Variants in RARB observed in about 807,000 individuals in gnomAD.
The protein encoded by RARB is HBV-activated protein.
RARB carries 17 observed loss-of-function variants against 51.9 expected under a neutral mutation model. That is an observed-to-expected ratio of 0.33 (90% CI 0.22 to 0.49). RARB has a LOEUF of 0.49. Among genes scored for constraint, RARB ranks in the 20% least tolerant of loss-of-function variants. RARB has a pLI of 0.99. For missense variants in RARB, 369 were observed against 550.8 expected (o/e 0.67, Z 3.30); for synonymous variants, 215 against 195.4 (o/e 1.10, Z -0.84).
intron 5 of RARB, among the ~76,000 whole-genome samples, chr3:25,351,373 C>T (rs899087645): frequency 2.0e-5 from 3 of 152,058 alleles, no homozygotes; most frequent in African/African-American, 7.2e-5. Context: ...CATTTGTGCT[C>T]ATCCTCCTGT....
At chr3:25,535,043 A>G (rs1338284189) in intron 3 of RARB, among the ~76,000 whole-genome samples, 2 of 152,234 alleles carry the variant, frequency 1.3e-5, no homozygotes, top group Non-Finnish European at 2.9e-5. Flanking sequence ...AATGATATGC[A>G]ATGGAAGGAG....
intron 5 of RARB, among the ~76,000 whole-genome samples, chr3:25,411,561 G>A (rs186775774): frequency 3.3e-5 from 5 of 152,314 alleles, no homozygotes; most frequent in African/African-American, 1.2e-4. Context: ...TCACTGCACA[G>A]AACAGCTGAC....
intron 3 of RARB, among the ~76,000 whole-genome samples, chr3:25,567,512 A>C (rs1033254149): frequency 6.6e-6 from 1 of 152,186 alleles, no homozygotes; most frequent in African/African-American, 2.4e-5. Flanking sequence ...ATATTCCACC[A>C]TAAGGACGTC....
rs190737483 is a variant in RARB at position 25,329,321 on chromosome 3, G to A, written c.179-131872G>A. ...ATACGGCCGGGTGCCCCTCTGAGAC[G>A]AAGCTTCCAGAGGAAGGATAAGGCA... On this transcript the variant is annotated intron_variant, in intron 5 of 11. Transcript: ENST00000383772. Among the ~76,000 whole-genome samples the A allele has an allele frequency of 5.6e-3, 846 of 152,222 alleles. 5 individuals carry two copies. Among genetic ancestry groups the A allele is most frequent in the African/African-American group, 0.019 (790 of 41,524 alleles).
At chr3:25,304,961 G>T (rs1028629039) in intron 5 of RARB, among the ~76,000 whole-genome samples, 9 of 152,106 alleles carry the variant, frequency 5.9e-5, no homozygotes, top group Non-Finnish European at 1.0e-4. Flanking sequence ...ATTGTTCTAA[G>T]CCTTTGACAT....
intron 2 of RARB, among the ~76,000 whole-genome samples, chr3:25,016,835 T>C (rs996626828): frequency 7.2e-5 from 11 of 152,046 alleles, no homozygotes; most frequent in Non-Finnish European, 1.5e-4. Context: ...TTGATAACAC[T>C]TACAAGAACA....
At chr3:25,040,307 G>A (rs1048115627) in intron 2 of RARB, among the ~76,000 whole-genome samples, 4 of 152,172 alleles carry the variant, frequency 2.6e-5, no homozygotes, top group African/African-American at 9.7e-5. Context: ...CAACAAGCTT[G>A]CATCTGATTT....
chr3:25,235,723 A>G (rs1218262670), intron 5 of RARB, among the ~76,000 whole-genome samples: 1 of 152,202 alleles, frequency 6.6e-6, no homozygotes, highest in Non-Finnish European at 1.5e-5. Context: ...CATGCGTGCG[A>G]GCACACATAC....
At chr3:24,971,557 T>C (rs1696398505) in intron 2 of RARB, among the ~76,000 whole-genome samples, 2 of 152,056 alleles carry the variant, frequency 1.3e-5, no homozygotes, top group Admixed American at 6.6e-5. Flanking sequence ...GCTTACTCTT[T>C]AAATGCCAAA....
chr3:25,303,311 A>G lies in RARB; in HGVS notation c.178+128736A>G, dbSNP rs370307022. ...CTCCCAAGTTTGCCAAGCCCCTTTAATCTGATTCTTCAAGTGCTTTTAACA... is the reference window on the plus strand; with the variant it reads ...CTCCCAAGTTTGCCAAGCCCCTTTAGTCTGATTCTTCAAGTGCTTTTAACA... On this transcript the variant is annotated intron_variant, in intron 5 of 11. Transcript: ENST00000383772. Among the ~76,000 whole-genome samples, 3 of 152,200 alleles carry G rather than the reference A, an allele frequency of 2.0e-5. No individual in the cohort carries two copies. The East Asian group carries it at 5.8e-4, about 29-fold the overall frequency.
intron 5 of RARB, among the ~76,000 whole-genome samples, chr3:25,221,077 C>G (rs1239721109): frequency 6.6e-6 from 1 of 150,882 alleles, no homozygotes; most frequent in Non-Finnish European, 1.5e-5. Context: ...AATTTATGTT[C>G]TACTTTCCAA....
intron 3 of RARB, among the ~76,000 whole-genome samples, chr3:25,069,011 CTG>C (rs1246931347): frequency 6.7e-6 from 1 of 148,430 alleles, no homozygotes; most frequent in Non-Finnish European, 1.5e-5. Context: ...AAATCTTCCT[CTG>C]AAAAAAAAAA....
chr3:24,850,150 T>C (rs1252366089), intron 1 of RARB, among the ~76,000 whole-genome samples: 2 of 152,220 alleles, frequency 1.3e-5, no homozygotes, highest in African/African-American at 4.8e-5. Flanking sequence ...AATCCATTCA[T>C]GTGGGTAGAA....
At chr3:25,402,053 G>A (rs1490457874) in intron 5 of RARB, among the ~76,000 whole-genome samples, 1 of 152,114 alleles carries the variant, frequency 6.6e-6, no homozygotes, top group African/African-American at 2.4e-5. Flanking sequence ...TGGCATTACA[G>A]GAGTGAGCCA....
intron 4 of RARB, among the ~76,000 whole-genome samples, chr3:25,151,253 T>A (rs1328571464): frequency 6.6e-6 from 1 of 152,250 alleles, no homozygotes; most frequent in African/African-American, 2.4e-5. Flanking sequence ...ATGAGGGTAG[T>A]GTCTTCATCC....
chr3:24,880,095 C>G (rs1297692128), intron 2 of RARB, among the ~76,000 whole-genome samples: 7 of 151,838 alleles, frequency 4.6e-5, no homozygotes, highest in Non-Finnish European at 1.0e-4. Context: ...GCTTTCTTGC[C>G]AGTTCATCAA....
intron 2 of RARB, among the ~76,000 whole-genome samples, chr3:25,050,686 C>T (rs1190319024): frequency 1.3e-5 from 2 of 152,046 alleles, no homozygotes; most frequent in African/African-American, 4.8e-5. Context: ...TAGTCATTTC[C>T]TGGCATCCAA....
chr3:25,064,470 A>C (rs920935651), intron 3 of RARB, among the ~76,000 whole-genome samples: 16 of 152,150 alleles, frequency 1.1e-4, no homozygotes, highest in Non-Finnish European at 7.4e-5. Flanking sequence ...AAGTTATCCA[A>C]AAAAGAACTC....
At chr3:25,070,588 G>T (rs1376250814) in intron 3 of RARB, among the ~76,000 whole-genome samples, 1 of 152,164 alleles carries the variant, frequency 6.6e-6, no homozygotes, top group Non-Finnish European at 1.5e-5. Context: ...TATACAAAAT[G>T]CAGAGGATAC....
Sources: gnomAD v4.1 joint callset for allele counts (sites outside exome capture counted in the v4.1 genomes callset) on GRCh38, gnomAD v4.1.1 for gene constraint, MANE v1.5 for transcripts, NCBI Gene and HGNC (gene_info 2026-07-23, HGNC 2026-07-21) for gene names.